SPAG16: variants seen among roughly 807,000 people sequenced by gnomAD.
SPAG16 encodes the protein sperm-associated antigen 16 protein.
A neutral mutation model predicts 80.4 loss-of-function variants in SPAG16; 86 were observed. That is an observed-to-expected ratio of 1.07 (90% CI 0.90 to 1.28). The LOEUF is 1.28. Among genes scored for constraint, SPAG16 ranks in the 50% most tolerant of loss-of-function variants. The probability of loss-of-function intolerance (pLI) is 0.00; values close to 1 mark genes in which losing one functional copy is unlikely to be tolerated. For missense variants in SPAG16, 870 were observed against 765.3 expected, an observed-to-expected ratio of 1.14 and a Z score of -1.61; for synonymous variants, 294 against 265.9, an observed-to-expected ratio of 1.11 and a Z score of -1.03.
intron 13 of SPAG16, among the ~76,000 whole-genome samples, chr2:214,085,230 G>A (rs1456480819): frequency 6.6e-6 from 1 of 152,072 alleles, no homozygotes; most frequent in Non-Finnish European, 1.5e-5. Flanking sequence ...TAATTAGCCA[G>A]GCATGGTGGT....
intron 9 of SPAG16, among the ~76,000 whole-genome samples, chr2:213,401,321 G>C (rs1275429178): frequency 6.6e-6 from 1 of 152,090 alleles, no homozygotes; most frequent in Non-Finnish European, 1.5e-5. Context: ...ATTATTACTT[G>C]GATATTTCAC....
At chr2:214,295,663 T>A (rs2125939266) in intron 15 of SPAG16, among the ~76,000 whole-genome samples, 1 of 152,208 alleles carries the variant, frequency 6.6e-6, no homozygotes, top group East Asian at 1.9e-4. Context: ...TGGTGGCACA[T>A]GTCTGTAATC....
At chr2:214,137,312 AT>A (rs892205557) in intron 14 of SPAG16, among the ~76,000 whole-genome samples, 1 of 152,064 alleles carries the variant, frequency 6.6e-6, no homozygotes, top group African/African-American at 2.4e-5. Flanking sequence ...ATCTTCGGCA[AT>A]GCCATTATAA....
chr2:214,356,220 TAAAAAGAA>T (rs1022745160), intron 15 of SPAG16, among the ~76,000 whole-genome samples: 23 of 151,072 alleles, frequency 1.5e-4, no homozygotes, highest in Admixed American at 1.1e-3. Flanking sequence ...GAGAAAAAAA[TAAAAAGAA>T]AAAAAGAAAA....
intron 10 of SPAG16, among the ~76,000 whole-genome samples, chr2:213,647,405 C>T (rs1002714276): frequency 1.3e-5 from 2 of 152,178 alleles, no homozygotes; most frequent in East Asian, 1.9e-4. Flanking sequence ...GCTTCTTTCA[C>T]CTTTCTTTTG....
chr2:213,776,203 G>T (rs190302665), intron 10 of SPAG16, among the ~76,000 whole-genome samples: 98 of 152,270 alleles, frequency 6.4e-4, no homozygotes, highest in African/African-American at 2.2e-3. Context: ...AGATTATCCT[G>T]GATTATGTTG....
chr2:214,238,229 T>C, intron 15 of SPAG16: 1 of 410,882 alleles, frequency 2.4e-6, no homozygotes, highest in South Asian at 1.8e-5. Flanking sequence ...ATGGTAGGAC[T>C]GCACAATCTG....
At chr2:214,325,246 G>A (rs1559213529) in intron 15 of SPAG16, among the ~76,000 whole-genome samples, 1 of 152,150 alleles carries the variant, frequency 6.6e-6, no homozygotes, top group Non-Finnish European at 1.5e-5. Context: ...CAGGGATCTT[G>A]TTAAATGGAC....
chr2:213,541,052 T>TAATATGTAATCATG (rs1489416386), intron 10 of SPAG16, among the ~76,000 whole-genome samples: 1 of 152,268 alleles, frequency 6.6e-6, no homozygotes, highest in East Asian at 1.9e-4. Flanking sequence ...TTTACATATG[T>TAATATGTAATCATG]GCTAATTCTG....
At chr2:214,127,862 G>A (rs1358692403) in intron 14 of SPAG16, among the ~76,000 whole-genome samples, 2 of 151,854 alleles carry the variant, frequency 1.3e-5, no homozygotes, top group African/African-American at 4.8e-5. Context: ...TCATCTTAAA[G>A]TATGTACAAA....
chr2:214,355,824 C>G (rs1171041830), intron 15 of SPAG16, among the ~76,000 whole-genome samples: 1 of 151,206 alleles, frequency 6.6e-6, no homozygotes, highest in Non-Finnish European at 1.5e-5. Context: ...ACATATACAC[C>G]ATGGAATACT....
Position 214,041,595 on chromosome 2 carries a change from C to T in SPAG16, c.1527+27518C>T, listed in dbSNP as rs2049011668. Reference sequence around the variant, plus strand: ...TAGTCTTCCAATTGTATTGTATTGTCTCTTATCTTGCTCAATCTAAATTTC... The same window carrying T: ...TAGTCTTCCAATTGTATTGTATTGTTTCTTATCTTGCTCAATCTAAATTTC... On this transcript the variant is annotated intron_variant, in intron 13 of 15. Transcript: ENST00000331683. Among the ~76,000 whole-genome samples the T allele has an allele frequency of 4.6e-5, 7 of 151,554 alleles. 1 individual carries two copies. The South Asian group carries it at 1.5e-3, about 32-fold the overall frequency.
At chr2:213,435,969 CAGAT>C (rs2070614806) in intron 9 of SPAG16, among the ~76,000 whole-genome samples, 1 of 152,136 alleles carries the variant, frequency 6.6e-6, no homozygotes, top group Non-Finnish European at 1.5e-5. Flanking sequence ...CCATATTCCC[CAGAT>C]ATTCCTTTTA....
intron 15 of SPAG16, among the ~76,000 whole-genome samples, chr2:214,389,097 C>T (rs1394728086): frequency 6.6e-6 from 1 of 152,008 alleles, no homozygotes; most frequent in African/African-American, 2.4e-5. Flanking sequence ...ATAAGACAAA[C>T]ATAAAATGAA....
chr2:213,471,091 A>G (rs1281025466), intron 9 of SPAG16, among the ~76,000 whole-genome samples: 2 of 152,214 alleles, frequency 1.3e-5, no homozygotes, highest in Non-Finnish European at 2.9e-5. Context: ...TCCTTCAGGG[A>G]TGTCCTAAAA....
chr2:214,234,428 G>A (rs943369201), intron 15 of SPAG16, among the ~76,000 whole-genome samples: 2 of 152,140 alleles, frequency 1.3e-5, no homozygotes, highest in Non-Finnish European at 2.9e-5. Context: ...TGGGTCAAAT[G>A]CTATTTCTGG....
chr2:213,704,417 G>A (rs555322540), intron 10 of SPAG16, among the ~76,000 whole-genome samples: 14 of 152,070 alleles, frequency 9.2e-5, no homozygotes, highest in South Asian at 4.2e-4. Flanking sequence ...CTAATGATAG[G>A]CTGAGTGGGA....
At chr2:213,751,815 C>T (rs1252585459) in intron 10 of SPAG16, among the ~76,000 whole-genome samples, 2 of 152,072 alleles carry the variant, frequency 1.3e-5, no homozygotes, top group East Asian at 3.9e-4. Context: ...GGCATTAGGC[C>T]ATCATCAGGA....
intron 10 of SPAG16, among the ~76,000 whole-genome samples, chr2:213,672,609 T>A (rs980065600): frequency 6.6e-6 from 1 of 152,162 alleles, no homozygotes; most frequent in African/African-American, 2.4e-5. Flanking sequence ...TCTATTTTAT[T>A]GAGTCTATTG....
Sources: allele counts gnomAD v4.1 joint callset (sites outside exome capture counted in the v4.1 genomes callset), GRCh38; gene constraint gnomAD v4.1.1; transcripts MANE v1.5; gene names NCBI Gene and HGNC (gene_info 2026-07-23, HGNC 2026-07-21).